CREBBP: variants seen among roughly 807,000 people sequenced by gnomAD.
CREBBP encodes the protein CREB binding lysine acetyltransferase.
Under a neutral mutation model 265.0 loss-of-function variants are expected in CREBBP, and 19 were observed. The observed-to-expected ratio is 0.07, with a 90% confidence interval of 0.05 to 0.11. The LOEUF (loss-of-function observed/expected upper bound fraction) is 0.11, where lower values mean the gene tolerates loss of function less well. Among genes scored for constraint, CREBBP ranks in the 10% least tolerant of loss-of-function variants. CREBBP has a pLI of 1.00. For missense variants in CREBBP, 2,525 were observed against 3,219.0 expected, an observed-to-expected ratio of 0.78 and a Z score of 5.22; for synonymous variants, 1,457 against 1,223.7, an observed-to-expected ratio of 1.19 and a Z score of -3.98.
chr16:3,752,726 C>T (rs1171992089), intron 19 of CREBBP, among the ~76,000 whole-genome samples: 1 of 152,168 alleles, frequency 6.6e-6, no homozygotes, highest in African/African-American at 2.4e-5. Flanking sequence ...ATCTGAAAGA[C>T]TTAGCGAATG....
chr16:3,775,582 C>T (rs1346584009), intron 11 of CREBBP, among the ~76,000 whole-genome samples: 1 of 152,134 alleles, frequency 6.6e-6, no homozygotes, highest in African/African-American at 2.4e-5. Flanking sequence ...AGAAATGGTA[C>T]CCTCAAATAA....
At chr16:3,803,427 C>G (rs1222137204) in intron 3 of CREBBP, among the ~76,000 whole-genome samples, 1 of 151,884 alleles carries the variant, frequency 6.6e-6, no homozygotes, top group Non-Finnish European at 1.5e-5. Flanking sequence ...ATAGCTTGAA[C>G]CTGGGAGGCA....
chr16:3,860,971 T>G (rs1410326158), intron 1 of CREBBP, among the ~76,000 whole-genome samples: 2 of 151,996 alleles, frequency 1.3e-5, no homozygotes, highest in African/African-American at 4.8e-5. Flanking sequence ...TACCCCTCCT[T>G]AGCTCTAAAA....
intron 2 of CREBBP, among the ~76,000 whole-genome samples, chr16:3,820,487 G>A (rs909709186): frequency 3.3e-5 from 5 of 152,170 alleles, no homozygotes; most frequent in Admixed American, 1.3e-4. Context: ...GAAAATGTGC[G>A]GCCCCCAGGT....
At chr16:3,734,737 G>T (rs1005612263) in intron 28 of CREBBP, among the ~76,000 whole-genome samples, 1 of 151,846 alleles carries the variant, frequency 6.6e-6, no homozygotes, top group Non-Finnish European at 1.5e-5. Context: ...CTGGGGCGCC[G>T]TCCAGCAGGT....
chr16:3,744,416 G>T (rs1365764181), intron 23 of CREBBP, among the ~76,000 whole-genome samples: 1 of 152,226 alleles, frequency 6.6e-6, no homozygotes, highest in African/African-American at 2.4e-5. Flanking sequence ...AATTTTCTCA[G>T]AATTTACAAA....
chr16:3,778,576 C>A lies in CREBBP; in HGVS notation c.1941+124G>T. The A allele has an allele frequency of 3.5e-6, 3 of 853,396 alleles. No homozygotes were observed. The Admixed American group carries it at 5.2e-5, about 15-fold the overall frequency. 52.9% of individuals were successfully genotyped at this position (853,396 alleles called of 1,614,324 possible). A position where few individuals can be genotyped will look rare whatever the true frequency, so the allele number is the denominator to read the frequency against. ...TCTGGGAAGTCTCCTTGGTCAGTGG[C>A]CTCAAGGGGAGGAGTCTGTCCCAAC... On this transcript the variant is annotated intron_variant, in intron 9 of 30. Transcript: ENST00000262367.
chr16:3,847,230 T>TTA (rs1014053931), intron 2 of CREBBP, among the ~76,000 whole-genome samples: 9 of 152,222 alleles, frequency 5.9e-5, no homozygotes, highest in Non-Finnish European at 8.8e-5. Flanking sequence ...TCTGGTTTCA[T>TTA]TATGTATTTT....
At chr16:3,789,134 G>C (rs758984023) in intron 5 of CREBBP, among the ~76,000 whole-genome samples, 1 of 152,218 alleles carries the variant, frequency 6.6e-6, no homozygotes, top group Non-Finnish European at 1.5e-5. Context: ...GTGTGCATCA[G>C]GTAAGACCAG....
intron 2 of CREBBP, among the ~76,000 whole-genome samples, chr16:3,826,315 C>T (rs1166013286): frequency 6.6e-6 from 1 of 152,110 alleles, no homozygotes; most frequent in African/African-American, 2.4e-5. Flanking sequence ...AGACAGATCT[C>T]CCACACTGAA....
intron 28 of CREBBP, among the ~76,000 whole-genome samples, chr16:3,735,159 G>A (rs531052830): frequency 6.6e-6 from 1 of 152,214 alleles, no homozygotes; most frequent in East Asian, 1.9e-4. Context: ...TGTGGTGGGC[G>A]GGTCTGGCCC....
intron 3 of CREBBP, among the ~76,000 whole-genome samples, chr16:3,810,313 C>T (rs2053912311): frequency 6.6e-6 from 1 of 152,198 alleles, no homozygotes; most frequent in African/African-American, 2.4e-5. Flanking sequence ...GTCTCTGGTT[C>T]TCATGATTCT....
At chr16:3,871,788 C>T (rs2141587600) in intron 1 of CREBBP, among the ~76,000 whole-genome samples, 1 of 152,328 alleles carries the variant, frequency 6.6e-6, no homozygotes, top group Middle Eastern at 3.4e-3. Context: ...CACTACACAA[C>T]TACTTTTTCT....
chr16:3,805,550 C>G (rs563865879), intron 3 of CREBBP, among the ~76,000 whole-genome samples: 6 of 152,208 alleles, frequency 3.9e-5, no homozygotes, highest in Admixed American at 2.0e-4. Flanking sequence ...AAGACGACAA[C>G]AGAGAGAGAT....
In CREBBP at chr16:3,790,693, G is replaced by C. The variant is rs528803459; in HGVS notation, c.1330+1288C>G. On this transcript the variant is annotated intron_variant, in intron 5 of 30. Coordinates refer to ENST00000262367, the MANE Select transcript of CREBBP (RefSeq NM_004380.3). ...GGAAACTCGTTGTGGTTCTTCTGTA[G>C]GGAGGCAGATAACAGGCCCCATTAC... Among the ~76,000 whole-genome samples the C allele has an allele frequency of 7.2e-4, 109 of 152,256 alleles. 1 individual carries two copies. The highest frequency in any genetic ancestry group is 2.5e-3 in the African/African-American group (103 of 41,546).
chr16:3,729,320 G>A lies in CREBBP; in HGVS notation c.5727C>T (p.Pro1909=), dbSNP rs2051846607. The change falls in exon 31 of 31, where the codon CCC becomes CCT. Residue 1909 remains proline (P), a synonymous_variant. Coordinates refer to ENST00000262367, the MANE Select transcript of CREBBP (RefSeq NM_004380.3). ...TPQTPQPPAQ[P]QPSPVSMSPA... The stretch of plus-strand genomic sequence containing the variant: ...GTGACATGCTCACGGGTGAGGGTTG[G>A]GGCTGGGCAGGGGGCTGCGGCGTCT... 3 of 1,564,758 alleles carry A rather than the reference G, an allele frequency of 1.9e-6. No individual in the cohort carries two copies. The highest frequency in any genetic ancestry group is 2.6e-6 in the Non-Finnish European group (3 of 1,160,700).
intron 30 of CREBBP, 149 bp from the exon 31 acceptor site, chr16:3,730,023 G>T: frequency 7.5e-7 from 1 of 1,340,374 alleles, no homozygotes. Flanking sequence ...AGCACGGACA[G>T]GTGGGAGACC....
intron 3 of CREBBP, among the ~76,000 whole-genome samples, chr16:3,798,942 A>G (rs547008248): frequency 5.6e-4 from 85 of 152,368 alleles, no homozygotes; most frequent in African/African-American, 2.0e-3. Flanking sequence ...ATGCCCATCA[A>G]GTGATGAAGG....
chr16:3,845,251 G>A (rs1404365222), intron 2 of CREBBP, among the ~76,000 whole-genome samples: 1 of 152,148 alleles, frequency 6.6e-6, no homozygotes. Context: ...AAATTCTCCA[G>A]ATAAATCTGA....
Sources: gnomAD v4.1 joint callset for allele counts (sites outside exome capture counted in the v4.1 genomes callset) on GRCh38, gnomAD v4.1.1 for gene constraint, MANE v1.5 for transcripts, NCBI Gene and HGNC (gene_info 2026-07-23, HGNC 2026-07-21) for gene names.